Variants in ZC3H12B observed in about 807,000 individuals in gnomAD.
ZC3H12B encodes the protein zinc finger CCCH-type containing 12B.
ZC3H12B carries 7 observed loss-of-function variants against 43.9 expected under a neutral mutation model. The ratio of observed to expected loss-of-function variants is 0.16; its 90% CI spans 0.09 to 0.30. ZC3H12B has a LOEUF of 0.30. Ranked by LOEUF, ZC3H12B falls within the 10% of genes least tolerant of loss-of-function variation. The pLI is 1.00. For synonymous variants in ZC3H12B, 222 were observed against 241.7 expected (o/e 0.92, Z 0.76); for missense variants, 475 against 670.2 (o/e 0.71, Z 3.22).
At chrX:65,089,852 G>T in the ZC3H12B span, among the ~76,000 whole-genome samples, 3 of 111,124 alleles carry the variant, frequency 2.7e-5, no homozygotes, top group South Asian at 1.1e-3. Context: ...AAGATAATCA[G>T]TTTCACTGTC....
the ZC3H12B span, among the ~76,000 whole-genome samples, chrX:65,218,610 A>T: frequency 9.1e-6 from 1 of 110,493 alleles, no homozygotes; most frequent in East Asian, 2.9e-4. Flanking sequence ...TCCTGGAAAC[A>T]TAACTTCATT....
At chrX:65,392,376 CGCA>C (rs2066632207) in intron 2 of ZC3H12B, among the ~76,000 whole-genome samples, 1 of 112,012 alleles carries the variant, frequency 8.9e-6, no homozygotes, top group Admixed American at 9.4e-5. Context: ...TCTGCCCGGC[CGCA>C]ACCCCATCTG....
chrX:65,132,657 A>G, the ZC3H12B span, among the ~76,000 whole-genome samples: 1 of 111,448 alleles, frequency 9.0e-6, no homozygotes, highest in Non-Finnish European at 1.9e-5. Context: ...GATAACTAAG[A>G]AGGAGTGCAT....
At chrX:65,497,681 A>G (rs755548433) in intron 2 of ZC3H12B, among the ~76,000 whole-genome samples, 3 of 111,795 alleles carry the variant, frequency 2.7e-5, no homozygotes, top group Non-Finnish European at 5.6e-5. Context: ...AGAGAGAAAG[A>G]AAAGTCCCAC....
chrX:65,457,491 G>A (rs1345575811), intron 3 of ZC3H12B, among the ~76,000 whole-genome samples: 48 of 88,774 alleles, frequency 5.4e-4, no homozygotes, highest in African/African-American at 2.4e-3. Flanking sequence ...GGAGGTGAGG[G>A]GCGCTTCTTC....
the ZC3H12B span, among the ~76,000 whole-genome samples, chrX:65,252,962 A>T: frequency 8.9e-6 from 1 of 112,345 alleles, no homozygotes; most frequent in East Asian, 2.8e-4. Flanking sequence ...GTTAGAAGTT[A>T]GGTGAACATG....
the ZC3H12B span, among the ~76,000 whole-genome samples, chrX:65,230,485 G>A: frequency 9.3e-6 from 1 of 108,097 alleles, no homozygotes; most frequent in African/African-American, 3.4e-5. Flanking sequence ...GTATACATTT[G>A]TAACTAACCT....
At chrX:65,466,072 T>A (rs1001532884) in intron 3 of ZC3H12B, among the ~76,000 whole-genome samples, 3 of 110,550 alleles carry the variant, frequency 2.7e-5, no homozygotes, top group African/African-American at 9.8e-5. Context: ...TTAACTATAG[T>A]GATATTGTTG....
At chrX:65,159,309 T>C in the ZC3H12B span, among the ~76,000 whole-genome samples, 2 of 111,917 alleles carry the variant, frequency 1.8e-5, no homozygotes, top group Non-Finnish European at 3.8e-5. Flanking sequence ...GTGAAGAAAG[T>C]CATTGGTAGC....
chrX:65,125,630 G>A, the ZC3H12B span, among the ~76,000 whole-genome samples: 8 of 111,129 alleles, frequency 7.2e-5, no homozygotes, highest in Non-Finnish European at 1.5e-4. Flanking sequence ...AGGTATAATA[G>A]TAATTGTTTT....
chrX:65,144,304 G>T, the ZC3H12B span, among the ~76,000 whole-genome samples: 5 of 111,256 alleles, frequency 4.5e-5, no homozygotes, highest in Non-Finnish European at 7.5e-5. Context: ...TATTTCCATG[G>T]TGTCACATGT....
the ZC3H12B span, among the ~76,000 whole-genome samples, chrX:65,179,173 C>A: frequency 9.1e-6 from 1 of 109,712 alleles, no homozygotes; most frequent in African/African-American, 3.3e-5. Flanking sequence ...AACCAAACAC[C>A]ACACGTTCTC....
At chrX:65,124,516 G>A in the ZC3H12B span, among the ~76,000 whole-genome samples, 3 of 110,387 alleles carry the variant, frequency 2.7e-5, no homozygotes, top group African/African-American at 6.6e-5. Context: ...ATTTAGGGAG[G>A]ATTCCCTCTT....
At chrX:65,303,776 G>T in the ZC3H12B span, among the ~76,000 whole-genome samples, 1 of 112,381 alleles carries the variant, frequency 8.9e-6, no homozygotes, top group South Asian at 3.6e-4. Flanking sequence ...AATTTTAAAA[G>T]TCAATACTGT....
the ZC3H12B span, among the ~76,000 whole-genome samples, chrX:65,266,785 T>A: frequency 9.0e-6 from 1 of 111,284 alleles, no homozygotes; most frequent in Non-Finnish European, 1.9e-5. Flanking sequence ...TTTGCCTTTG[T>A]TTCCTCTCAA....
At chrX:65,164,985 G>C in the ZC3H12B span, among the ~76,000 whole-genome samples, 1 of 111,918 alleles carries the variant, frequency 8.9e-6, no homozygotes, top group Non-Finnish European at 1.9e-5. Flanking sequence ...TTTAGTTGGG[G>C]AGGGAGATGA....
At chrX:65,304,322 A>AG in the ZC3H12B span, among the ~76,000 whole-genome samples, 1 of 112,127 alleles carries the variant, frequency 8.9e-6, no homozygotes, top group Non-Finnish European at 1.9e-5. Flanking sequence ...GCAAAAAAAA[A>AG]GAACATTTAC....
intron 2 of ZC3H12B, among the ~76,000 whole-genome samples, chrX:65,378,559 C>A (rs930798151): frequency 8.9e-6 from 1 of 112,216 alleles, no homozygotes; most frequent in African/African-American, 3.2e-5. Context: ...AAAAAGACTA[C>A]AAAACAACCA....
chrX:65,063,785 G>A, the ZC3H12B span, among the ~76,000 whole-genome samples: 1 of 111,523 alleles, frequency 9.0e-6, no homozygotes, highest in Non-Finnish European at 1.9e-5. Context: ...TCCCTCTGGA[G>A]CTTGGCTTTT....
Sources: gnomAD v4.1 joint callset for allele counts (sites outside exome capture counted in the v4.1 genomes callset) on GRCh38, gnomAD v4.1.1 for gene constraint, MANE v1.5 for transcripts, NCBI Gene and HGNC (gene_info 2026-07-23, HGNC 2026-07-21) for gene names.